The following CNTNAP1 variants were observed in gnomAD, a reference collection of about 807,000 sequenced individuals.
The protein encoded by CNTNAP1 is contactin associated protein 1.
In CNTNAP1, 80 loss-of-function variants were observed where a neutral mutation model predicts 161.5. That is an observed-to-expected ratio of 0.50 (90% CI 0.41 to 0.60). CNTNAP1 has a LOEUF of 0.60. Among genes scored for constraint, CNTNAP1 ranks in the 20% least tolerant of loss-of-function variants. CNTNAP1 has a pLI of 0.00. For missense variants in CNTNAP1, 1,464 were observed against 1,854.8 expected, an observed-to-expected ratio of 0.79 and a Z score of 3.87; for synonymous variants, 695 against 733.1, an observed-to-expected ratio of 0.95 and a Z score of 0.84.
At position 42,687,213 on chromosome 17, in the gene CNTNAP1, C is replaced by A. The variant is rs2053029434; in HGVS notation, c.1044+167C>A. The A allele has an allele frequency of 1.2e-6, 1 of 807,164 alleles. No individual in the cohort carries two copies. The highest frequency in any genetic ancestry group is 1.9e-6 in the Non-Finnish European group (1 of 529,654). The allele number at this position is 807,164 out of a possible 1,614,324, so 50.0% of individuals were successfully genotyped here. Reference sequence around the variant, plus strand: ...GCGGGTCTCACCTGAGGTGCATGAGCCACGCAGGCCCCTAGTTAAGAAGCA... The same window carrying A: ...GCGGGTCTCACCTGAGGTGCATGAGACACGCAGGCCCCTAGTTAAGAAGCA... On this transcript the variant is annotated intron_variant, in intron 7 of 23. Coordinates refer to ENST00000264638, the MANE Select transcript of CNTNAP1 (RefSeq NM_003632.3). The surrounding 1 kb of genome is among the most constrained non-coding windows in gnomAD (Gnocchi z 4.7).
At position 42,692,512 on chromosome 17, in the gene CNTNAP1, G is replaced by A. The variant is rs750529845; in HGVS notation, c.2544G>A (p.Val848=). 1.9e-6 allele frequency: 3 copies of A among 1,614,044 alleles called. No individual in the cohort carries two copies. Among genetic ancestry groups the A allele is most frequent in the Non-Finnish European group, 2.5e-6 (3 of 1,179,948 alleles). The part of the protein sequence containing the change: ...VRVELNTSRD[V]VFAFDVGNGD... ...CACACTGTCCAGCATCCCGGGATGT[G>A]GTCTTCGCCTTTGATGTGGGGAATG... The change falls in exon 17 of 24, where the codon GTG becomes GTA. Residue 848 remains valine (V), a synonymous_variant. Transcript: ENST00000264638.
At position 42,696,090 on chromosome 17, in the gene CNTNAP1, G is replaced by A; in HGVS notation, c.3412G>A (p.Val1138Met). 3 of 1,614,156 alleles carry A rather than the reference G, an allele frequency of 1.9e-6. No homozygotes were observed. The highest frequency in any genetic ancestry group is 1.3e-5 in the African/African-American group (1 of 75,026). Residue 1138 changes from valine to methionine, a missense_variant, in exon 20 of 24, where the codon GTG becomes ATG. Val to Met is a conservative substitution (Grantham distance 21, BLOSUM62 1). Coordinates refer to ENST00000264638, the MANE Select transcript of CNTNAP1 (RefSeq NM_003632.3). ...PYVYQLTTRP[V>M]TDGQPHSINI... Reference sequence around the variant, plus strand: ...CGTGTACCAGCTAACCACTCGACCAGTGACCGATGGCCAGCCCCATAGCAT... The same window carrying A: ...CGTGTACCAGCTAACCACTCGACCAATGACCGATGGCCAGCCCCATAGCAT...
At chr17:42,692,964 T>TG (rs1254105233) in intron 17 of CNTNAP1, among the ~76,000 whole-genome samples, 1 of 151,128 alleles carries the variant, frequency 6.6e-6, no homozygotes, top group African/African-American at 2.4e-5. Flanking sequence ...TTTTCTTTTT[T>TG]TTTTTTTTTT....
intron 12 of CNTNAP1, 117 bp downstream of exon 12, chr17:42,690,324 A>T: frequency 7.9e-7 from 1 of 1,266,326 alleles, no homozygotes. Context: ...GGGGAAGGGC[A>T]TACTGAGGAA....
Position 42,687,585 on chromosome 17 carries a change from C to T in CNTNAP1, c.1045-135C>T. On this transcript the variant is annotated intron_variant, in intron 7 of 23. Transcript: ENST00000264638. This position sits in a 1 kb window ranked among gnomAD's most constrained non-coding sequence, Gnocchi z 4.7. ...GAGCTTGGAGGGGAAGAGGTCACGT[C>T]ATGGTTGGAGATCTCACCCCCGCCA... The T allele has an allele frequency of 8.3e-7, 1 of 1,203,130 alleles. No homozygotes were observed. The highest frequency in any genetic ancestry group is 1.5e-5 in the African/African-American group (1 of 65,458). The allele number at this position is 1,203,130 out of a possible 1,614,324, so 74.5% of individuals were successfully genotyped here.
chr17:42,696,719 T>C (rs1234206252), intron 20 of CNTNAP1, among the ~76,000 whole-genome samples: 1 of 151,816 alleles, frequency 6.6e-6, no homozygotes, highest in Non-Finnish European at 1.5e-5. Context: ...GGCAGGAAAA[T>C]TGCTTGAACC....
chr17:42,696,261 T>C, intron 20 of CNTNAP1, 109 bp downstream of exon 20: 1 of 1,411,216 alleles, frequency 7.1e-7, no homozygotes, highest in Non-Finnish European at 9.7e-7. Context: ...TTTGAATGTA[T>C]AGAGGATTTT....
In CNTNAP1 at chr17:42,691,887, T is replaced by TCC; in HGVS notation, c.2427_2428insCC (p.Ser810ProfsTer15). The TCC allele has an allele frequency of 6.2e-7, 1 of 1,614,122 alleles. No individual in the cohort carries two copies. Among genetic ancestry groups the TCC allele is most frequent in the Non-Finnish European group, 8.5e-7 (1 of 1,180,002 alleles). On this transcript the variant is annotated frameshift_variant, in exon 16 of 24. Coordinates refer to ENST00000264638, the MANE Select transcript of CNTNAP1 (RefSeq NM_003632.3). LOFTEE classifies it high-confidence loss of function. The surrounding 1 kb of genome is among the most constrained non-coding windows in gnomAD (Gnocchi z 4.3). ...ATCCGTGCCAACCACAGCCTGGATG[T>TCC]CTCCTTCTACTTCAGGACCTCTGCT...
chr17:42,698,713 C>A lies in CNTNAP1; in HGVS notation c.3958C>A (p.Pro1320Thr). 2.5e-6 allele frequency: 4 copies of A among 1,613,628 alleles called. No individual in the cohort carries two copies. Among genetic ancestry groups the A allele is most frequent in the Non-Finnish European group, 3.4e-6 (4 of 1,179,894 alleles). Residue 1320 changes from proline (P) to threonine (T), a missense_variant, in exon 24 of 24, where the codon CCC becomes ACC. Pro to Thr is a conservative substitution (Grantham distance 38, BLOSUM62 -1). Around this residue, in one of 3 missense-constraint regions of CNTNAP1, gnomAD observed 1,383 missense variants for 1,765.0 expected, o/e 0.78. Coordinates refer to ENST00000264638, the MANE Select transcript of CNTNAP1 (RefSeq NM_003632.3). ...TAAGGGCTCCTACCATACCAATGAG[C>A]CCAAGGCTGCCCACGAGTACCATCC... ...RYKGSYHTNE[P>T]KAAHEYHPGS... is the part of the protein sequence containing the mutation.
chr17:42,691,055 T>C lies in CNTNAP1; in HGVS notation c.2060-82T>C, dbSNP rs2053080010. The C allele has an allele frequency of 1.3e-6, 2 of 1,595,176 alleles. No homozygotes were observed. The highest frequency in any genetic ancestry group is 1.7e-5 in the Admixed American group (1 of 58,940). ...TTGGGTTGGAAGATTCAAGGAGGGG[T>C]CTGAACTCGCTGGAAGGGCGAGAGG... On this transcript the variant is annotated intron_variant, in intron 13 of 23. Coordinates refer to ENST00000264638, the MANE Select transcript of CNTNAP1 (RefSeq NM_003632.3). The surrounding 1 kb of genome is among the most constrained non-coding windows in gnomAD (Gnocchi z 4.3).
intron 18 of CNTNAP1, among the ~76,000 whole-genome samples, chr17:42,694,017 T>C (rs945843882): frequency 1.3e-5 from 2 of 151,530 alleles, no homozygotes; most frequent in Non-Finnish European, 2.9e-5. Flanking sequence ...TGCACCACCA[T>C]GCCTGGCTAA....
At chr17:42,683,241 G>T in intron 1 of CNTNAP1, 1 of 608,848 alleles carries the variant, frequency 1.6e-6, no homozygotes, top group Non-Finnish European at 2.3e-6. Context: ...CAGGGCTTAA[G>T]GCTGGACTTT....
chr17:42,691,222 T>G lies in CNTNAP1; in HGVS notation c.2145T>G (p.Cys715Trp). ...GCTCCCAGCCTGGGATCCAGCGCTG[T>G]GCCTGTGGTCTGGACCGGAGCTGTG... ...WGGSQPGIQR[C>W]ACGLDRSCVD... is the part of the protein sequence containing the mutation. Residue 715 changes from cysteine (C) to tryptophan (W), a missense_variant, in exon 14 of 24, where the codon TGT becomes TGG. Cys to Trp is a radical substitution (Grantham distance 215, BLOSUM62 -2). Coordinates refer to ENST00000264638, the MANE Select transcript of CNTNAP1 (RefSeq NM_003632.3). The surrounding 1 kb of genome is among the most constrained non-coding windows in gnomAD (Gnocchi z 4.3). 6.2e-7 allele frequency: 1 copy of G among 1,614,152 alleles called. No homozygotes were observed. The highest frequency in any genetic ancestry group is 1.1e-5 in the South Asian group (1 of 91,090).
At chr17:42,683,000 G>A (rs1202613847) in intron 1 of CNTNAP1, 104 bp downstream of exon 1, 1 of 1,047,168 alleles carries the variant, frequency 9.5e-7, no homozygotes, top group East Asian at 2.8e-5. Context: ...GTCCTTCCCG[G>A]CCGGCGCGCG....
chr17:42,685,194 C>A lies in CNTNAP1; in HGVS notation c.512-23C>A. 1 of 1,612,334 alleles carries A rather than the reference C, an allele frequency of 6.2e-7. No individual in the cohort carries two copies. Among genetic ancestry groups the A allele is most frequent in the Non-Finnish European group, 8.5e-7 (1 of 1,179,226 alleles). On this transcript the variant is annotated intron_variant, in intron 4 of 23. Coordinates refer to ENST00000264638, the MANE Select transcript of CNTNAP1 (RefSeq NM_003632.3). The surrounding 1 kb of genome is among the most constrained non-coding windows in gnomAD (Gnocchi z 5.0). Reference sequence around the variant, plus strand: ...GGGAGACAGCCTCCCCAGTTCCCGGCCCACCTACGGTCCTTTGCGCAGAGG... The same window carrying A: ...GGGAGACAGCCTCCCCAGTTCCCGGACCACCTACGGTCCTTTGCGCAGAGG...
chr17:42,687,683 C>T lies in CNTNAP1; in HGVS notation c.1045-37C>T, dbSNP rs571900848. The T allele has an allele frequency of 1.2e-6, 2 of 1,604,190 alleles. No individual in the cohort carries two copies. The highest frequency in any genetic ancestry group is 2.2e-5 in the East Asian group (1 of 44,738). On this transcript the variant is annotated intron_variant, in intron 7 of 23. Coordinates refer to ENST00000264638, the MANE Select transcript of CNTNAP1 (RefSeq NM_003632.3). The surrounding 1 kb of genome is among the most constrained non-coding windows in gnomAD (Gnocchi z 4.7). ...GAATTCCCAGCTGAGGCAGAGGCGG[C>T]TCACGGGTGTTGATGCGTCTTCACT...
chr17:42,696,304 G>A lies in CNTNAP1; in HGVS notation c.3474+152G>A, dbSNP rs554455272. The A allele has an allele frequency of 1.3e-4, 130 of 966,460 alleles. No homozygotes were observed. The South Asian group carries it at 2.1e-3, about 16-fold the overall frequency. The allele number at this position is 966,460 out of a possible 1,614,324, so 59.9% of individuals were successfully genotyped here. A position where few individuals can be genotyped will look rare whatever the true frequency, so the allele number is the denominator to read the frequency against. ...GTCACCTCATGTAACCCTCACAATA[G>A]CTCCAAGGGGACAATAGGCATTTTT... is the stretch of plus-strand genomic sequence containing the variant. On this transcript the variant is annotated intron_variant, in intron 20 of 23. Transcript: ENST00000264638.
At chr17:42,690,321 G>A in intron 12 of CNTNAP1, 114 bp downstream of exon 12, 1 of 1,279,060 alleles carries the variant, frequency 7.8e-7, no homozygotes, top group South Asian at 1.3e-5. Context: ...AGAGGGGAAG[G>A]GCATACTGAG....
chr17:42,695,910 T>G (rs1427043361), intron 19 of CNTNAP1, 36 bp downstream of exon 19: 2 of 1,599,204 alleles, frequency 1.3e-6, no homozygotes, highest in Non-Finnish European at 1.7e-6. Flanking sequence ...CCACTCCAGC[T>G]TCACCCCGGT....
Sources: allele counts gnomAD v4.1 joint callset (sites outside exome capture counted in the v4.1 genomes callset), GRCh38; gene constraint gnomAD v4.1.1; regional missense constraint gnomAD v4.1.1; non-coding constraint Gnocchi (gnomAD v3.1); transcripts MANE v1.5; gene names NCBI Gene and HGNC (gene_info 2026-07-23, HGNC 2026-07-21).